SORCS3: variants seen among roughly 807,000 people sequenced by gnomAD.
The protein encoded by SORCS3 is VPS10 domain-containing receptor SorCS3.
Under a neutral mutation model 146.3 loss-of-function variants are expected in SORCS3, and 57 were observed. That is an observed-to-expected ratio of 0.39 (90% CI 0.31 to 0.49). SORCS3 has a LOEUF of 0.49. SORCS3 is among the 20% of genes least tolerant of loss of function. The pLI is 0.92. For missense variants in SORCS3, 1,341 were observed against 1,575.5 expected, an observed-to-expected ratio of 0.85 and a Z score of 2.52; for synonymous variants, 653 against 618.5, an observed-to-expected ratio of 1.06 and a Z score of -0.83.
chr10:105,227,468 T>C (rs1355327305), intron 20 of SORCS3, among the ~76,000 whole-genome samples: 1 of 152,170 alleles, frequency 6.6e-6, no homozygotes, highest in Non-Finnish European at 1.5e-5. Flanking sequence ...TCCTAACATA[T>C]GGTCGATCTT....
At chr10:104,974,424 T>G (rs9664110) in intron 3 of SORCS3, among the ~76,000 whole-genome samples, 10,636 of 152,176 alleles carry the variant, frequency 0.07, 1,215 homozygotes, top group African/African-American at 0.24. Flanking sequence ...TCTTCTTGTT[T>G]AATTGATCCC....
chr10:104,809,226 G>A (rs554940993), intron 1 of SORCS3, among the ~76,000 whole-genome samples: 7 of 152,272 alleles, frequency 4.6e-5, no homozygotes, highest in African/African-American at 7.2e-5. Flanking sequence ...TTGCCTAAGC[G>A]TTCTGTGAGT....
At chr10:105,257,270 A>G (rs1006422710) in intron 25 of SORCS3, among the ~76,000 whole-genome samples, 6 of 152,220 alleles carry the variant, frequency 3.9e-5, no homozygotes, top group Non-Finnish European at 5.9e-5. Flanking sequence ...TATATGGATC[A>G]ACATCCATTC....
At chr10:104,868,027 C>A (rs538422729) in intron 2 of SORCS3, among the ~76,000 whole-genome samples, 30 of 152,294 alleles carry the variant, frequency 2.0e-4, no homozygotes, top group Non-Finnish European at 2.8e-4. Flanking sequence ...GAATCTGACT[C>A]CCTGTGGTTC....
rs188815254 is a variant in SORCS3 at position 104,881,736 on chromosome 10, G to A, written c.696-34097G>A. ...ATTGAAGAAGTGTGTAGTAACTTGC[G>A]TCAAAAACCAAGCAAAGCAAAAAGA... On this transcript the variant is annotated intron_variant, in intron 2 of 26. Transcript: ENST00000369701. Among the ~76,000 whole-genome samples, 844 of 152,200 alleles carry A rather than the reference G, an allele frequency of 5.5e-3. 14 individuals carry two copies. Among genetic ancestry groups the A allele is most frequent in the African/African-American group, 0.019 (783 of 41,522 alleles).
intron 1 of SORCS3, among the ~76,000 whole-genome samples, chr10:104,732,249 G>A (rs1015574285): frequency 2.0e-5 from 3 of 152,172 alleles, no homozygotes; most frequent in Admixed American, 1.3e-4. Context: ...AGGCAAGGGG[G>A]CTGCCACATT....
intron 4 of SORCS3, among the ~76,000 whole-genome samples, chr10:105,024,845 A>G (rs2055216935): frequency 6.6e-6 from 1 of 152,220 alleles, no homozygotes; most frequent in Non-Finnish European, 1.5e-5. Flanking sequence ...ACGTGTAACA[A>G]AACAGGCCTG....
intron 1 of SORCS3, among the ~76,000 whole-genome samples, chr10:104,773,871 C>T (rs750842277): frequency 1.2e-4 from 18 of 152,148 alleles, no homozygotes; most frequent in Non-Finnish European, 2.6e-4. Flanking sequence ...ATATTTGTTG[C>T]TCAATGTGTG....
intron 20 of SORCS3, among the ~76,000 whole-genome samples, chr10:105,229,250 G>A (rs1215170757): frequency 2.0e-5 from 3 of 151,744 alleles, no homozygotes; most frequent in Non-Finnish European, 2.9e-5. Flanking sequence ...ATCCTGAATT[G>A]TTTTCCTGAT....
chr10:104,756,008 C>A (rs1173612065), intron 1 of SORCS3, among the ~76,000 whole-genome samples: 1 of 152,130 alleles, frequency 6.6e-6, no homozygotes, highest in Non-Finnish European at 1.5e-5. Flanking sequence ...GGGAGCCAGC[C>A]CCTGCTTCCC....
At chr10:104,912,100 C>T (rs1011127118) in intron 2 of SORCS3, among the ~76,000 whole-genome samples, 3 of 152,204 alleles carry the variant, frequency 2.0e-5, no homozygotes, top group African/African-American at 7.2e-5. Context: ...AGTAGTCTCT[C>T]TACATATTGC....
At chr10:105,163,565 A>G (rs565070381) in intron 11 of SORCS3, among the ~76,000 whole-genome samples, 1 of 152,138 alleles carries the variant, frequency 6.6e-6, no homozygotes, top group Admixed American at 6.5e-5. Context: ...ATCAATATAG[A>G]TGGACTAGAA....
chr10:105,048,547 A>C, intron 5 of SORCS3, among the ~76,000 whole-genome samples: 1 of 81,116 alleles, frequency 1.2e-5, no homozygotes, highest in Admixed American at 1.7e-4. Context: ...GGGTGGGGGG[A>C]GGGGGGAGGG....
chr10:104,737,601 C>T (rs1322883558), intron 1 of SORCS3, among the ~76,000 whole-genome samples: 1 of 152,090 alleles, frequency 6.6e-6, no homozygotes, highest in Non-Finnish European at 1.5e-5. Flanking sequence ...CTGTTCATAT[C>T]CTTTGCCCAC....
At chr10:105,220,046 T>C (rs182002347) in intron 19 of SORCS3, among the ~76,000 whole-genome samples, 1 of 152,334 alleles carries the variant, frequency 6.6e-6, no homozygotes, top group East Asian at 1.9e-4. Flanking sequence ...AGTTGTTAGC[T>C]GCCCAAAATA....
intron 1 of SORCS3, among the ~76,000 whole-genome samples, chr10:104,715,756 A>T (rs939353080): frequency 6.6e-6 from 1 of 152,218 alleles, no homozygotes; most frequent in Admixed American, 6.5e-5. Context: ...TATCACCTCC[A>T]CTGGTAAAAC....
intron 18 of SORCS3, 36 bp from the exon 19 acceptor site, chr10:105,216,900 C>T: frequency 6.2e-7 from 1 of 1,609,852 alleles, no homozygotes; most frequent in South Asian, 1.1e-5. Flanking sequence ...CTGGCTGGAC[C>T]AAGTAAATTG....
intron 3 of SORCS3, among the ~76,000 whole-genome samples, chr10:104,939,210 TTA>T: frequency 6.6e-6 from 1 of 152,152 alleles, no homozygotes; most frequent in Non-Finnish European, 1.5e-5. Context: ...GTGGAATTGA[TTA>T]CTCCCTTTTT....
intron 1 of SORCS3, among the ~76,000 whole-genome samples, chr10:104,794,622 G>GGAGGGAGAGAGAGAGA (rs1481811209): frequency 4.1e-3 from 168 of 41,370 alleles, no homozygotes; most frequent in African/African-American, 7.6e-3. Flanking sequence ...AGAGAGGGAG[G>GGAGGGAGAGAGAGAGA]GAGAGAGAGA....
Sources: gnomAD v4.1 joint callset for allele counts (sites outside exome capture counted in the v4.1 genomes callset) on GRCh38, gnomAD v4.1.1 for gene constraint, MANE v1.5 for transcripts, NCBI Gene and HGNC (gene_info 2026-07-23, HGNC 2026-07-21) for gene names.